The following TAOK1 variants were observed in gnomAD, a reference collection of about 807,000 sequenced individuals.
TAOK1 encodes the protein serine/threonine-protein kinase TAO1.
In TAOK1, 21 loss-of-function variants were observed where a neutral mutation model predicts 138.3. That is an observed-to-expected ratio of 0.15 (90% CI 0.11 to 0.22). TAOK1 has a LOEUF of 0.22. TAOK1 is among the 10% of genes least tolerant of loss of function. TAOK1 has a pLI of 1.00. For missense variants in TAOK1, 651 were observed against 1,227.7 expected (o/e 0.53, Z 7.02); for synonymous variants, 361 against 398.4 (o/e 0.91, Z 1.12).
chr17:29,453,460 A>C (rs1325971722), intron 2 of TAOK1, among the ~76,000 whole-genome samples: 1 of 152,314 alleles, frequency 6.6e-6, no homozygotes, highest in East Asian at 1.9e-4. Context: ...CATGTTGGCC[A>C]GGCTGGTCTC....
intron 10 of TAOK1, among the ~76,000 whole-genome samples, chr17:29,492,346 T>C (rs1322735051): frequency 1.3e-5 from 2 of 152,252 alleles, no homozygotes; most frequent in African/African-American, 2.4e-5. Context: ...AATTTTTGTA[T>C]TTTGTTTTTC....
At position 29,478,284 on chromosome 17, in the gene TAOK1, C is replaced by A. The variant is rs779247615; in HGVS notation, c.386C>A (p.Ala129Glu). ...HKKPLQEVEI[A>E]AITHGALQGL... Reference sequence around the variant, plus strand: ...AAGCCATTACAAGAAGTGGAAATAGCAGCAATTACACATGGTGCTCTTCAG... The same window carrying A: ...AAGCCATTACAAGAAGTGGAAATAGAAGCAATTACACATGGTGCTCTTCAG... Residue 129 changes from alanine (A) to glutamate (E), a missense_variant, in exon 6 of 20, where the codon GCA becomes GAA. Ala to Glu is a moderately radical substitution (Grantham distance 107, BLOSUM62 -1). Coordinates refer to ENST00000261716, the MANE Select transcript of TAOK1 (RefSeq NM_020791.4). 12 of 1,600,742 alleles carry A rather than the reference C, an allele frequency of 7.5e-6. No individual in the cohort carries two copies. The South Asian group carries it at 1.3e-4, about 17-fold the overall frequency.
chr17:29,534,420 C>T (rs2150774896), intron 19 of TAOK1, 120 bp downstream of exon 19: 1 of 941,102 alleles, frequency 1.1e-6, no homozygotes, highest in East Asian at 3.1e-5. Flanking sequence ...ACCACATTTC[C>T]TGAATTCTAG....
At position 29,524,872 on chromosome 17, in the gene TAOK1, G is replaced by GT. The variant is rs2031982746; in HGVS notation, c.2148+2356dup. Among the ~76,000 whole-genome samples the GT allele has an allele frequency of 5.3e-5, 8 of 152,266 alleles. No homozygotes were observed. The South Asian group carries it at 1.7e-3, about 32-fold the overall frequency. On this transcript the variant is annotated intron_variant, in intron 17 of 19. Transcript: ENST00000261716. ...GTGAAAATCTGCTGCCTACTCCGCT[G>GT]TTTCTTCAGCTGCCATCCAGATGAT...
intron 13 of TAOK1, among the ~76,000 whole-genome samples, chr17:29,505,424 G>A (rs1255924934): frequency 1.3e-5 from 2 of 152,106 alleles, no homozygotes; most frequent in South Asian, 2.1e-4. Context: ...ATGGTGGGCC[G>A]GGTGGAGTGG....
chr17:29,509,959 C>T (rs1695612984), intron 14 of TAOK1, among the ~76,000 whole-genome samples: 1 of 151,024 alleles, frequency 6.6e-6, no homozygotes, highest in South Asian at 2.1e-4. Context: ...TCAGGTGATC[C>T]TCCCACCTCA....
chr17:29,475,590 T>G, intron 3 of TAOK1, 80 bp from the exon 4 acceptor site: 1 of 952,530 alleles, frequency 1.0e-6, no homozygotes, highest in Non-Finnish European at 1.6e-6. Flanking sequence ...CTCTTCTAAA[T>G]TTAGTAATTA....
intron 1 of TAOK1, among the ~76,000 whole-genome samples, chr17:29,411,493 G>GCAATT (rs1028985304): frequency 6.6e-6 from 1 of 151,922 alleles, no homozygotes; most frequent in African/African-American, 2.4e-5. Context: ...CCACGTTCAA[G>GCAATT]CAATTCTCCT....
intron 15 of TAOK1, among the ~76,000 whole-genome samples, chr17:29,515,450 C>A (rs922505108): frequency 6.6e-6 from 1 of 152,138 alleles, no homozygotes; most frequent in Non-Finnish European, 1.5e-5. Flanking sequence ...AAGTTAGGAA[C>A]CATCAGAAAC....
chr17:29,406,529 TTTC>T (rs1446211293), intron 1 of TAOK1, among the ~76,000 whole-genome samples: 1 of 152,012 alleles, frequency 6.6e-6, no homozygotes, highest in Non-Finnish European at 1.5e-5. Flanking sequence ...TCTTTTTTCT[TTTC>T]TTTTTTCTTT....
In TAOK1 at chr17:29,534,100, TC is replaced by T; in HGVS notation, c.2362-17del. On this transcript the variant is annotated splice_polypyrimidine_tract_variant and intron_variant, in intron 18 of 19. Coordinates refer to ENST00000261716, the MANE Select transcript of TAOK1 (RefSeq NM_020791.4). ...TTAGGATATATCTTTTTTTTTTCTC[TC>T]TCTCTCTCTGTCTCAGCTGCGTTTG... 3 of 1,567,754 alleles carry T rather than the reference TC, an allele frequency of 1.9e-6. No homozygotes were observed. The highest frequency in any genetic ancestry group is 2.0e-5 in the Admixed American group (1 of 50,938).
In TAOK1 at chr17:29,543,197, A is replaced by T. The variant is rs1407945128; in HGVS notation, c.*175A>T. 5 of 597,256 alleles carry T rather than the reference A, an allele frequency of 8.4e-6. No homozygotes were observed. Among genetic ancestry groups the T allele is most frequent in the African/African-American group, 7.4e-5 (4 of 54,344 alleles). 37.0% of individuals were successfully genotyped at this position (597,256 alleles called of 1,614,324 possible). On this transcript the variant is annotated 3_prime_UTR_variant, in exon 20 of 20. Transcript: ENST00000261716. ...TTTTGTGTTTACTAATTGGGATGTCATAGTACTTGGCTGCCGGGTTTGTTT... is the reference window on the plus strand; with the variant it reads ...TTTTGTGTTTACTAATTGGGATGTCTTAGTACTTGGCTGCCGGGTTTGTTT...
intron 2 of TAOK1, among the ~76,000 whole-genome samples, chr17:29,460,148 A>T (rs768242390): frequency 6.6e-6 from 1 of 152,216 alleles, no homozygotes; most frequent in Non-Finnish European, 1.5e-5. Flanking sequence ...AACTTTTTCA[A>T]AATAAAACTA....
chr17:29,407,129 C>G (rs982716952), intron 1 of TAOK1, among the ~76,000 whole-genome samples: 3 of 152,086 alleles, frequency 2.0e-5, no homozygotes, highest in Non-Finnish European at 2.9e-5. Context: ...ATCTTCCCAT[C>G]TTAGCCTCCT....
intron 12 of TAOK1, 48 bp from the exon 13 acceptor site, chr17:29,502,541 A>T: frequency 1.3e-6 from 2 of 1,561,112 alleles, no homozygotes; most frequent in Non-Finnish European, 1.7e-6. Context: ...TAAAGATTCA[A>T]ACAAACTGTT....
At chr17:29,478,979 G>C (rs1418055015) in intron 6 of TAOK1, among the ~76,000 whole-genome samples, 2 of 152,086 alleles carry the variant, frequency 1.3e-5, no homozygotes, top group Non-Finnish European at 1.5e-5. Flanking sequence ...ATGAAAATTA[G>C]CTGGGCTTTG....
intron 16 of TAOK1, 43 bp from the exon 17 acceptor site, chr17:29,522,237 T>C (rs1488915829): frequency 6.2e-7 from 1 of 1,601,168 alleles, no homozygotes; most frequent in Non-Finnish European, 8.5e-7. Flanking sequence ...TCTGGCATTA[T>C]ACAGCAGTAA....
intron 13 of TAOK1, among the ~76,000 whole-genome samples, chr17:29,504,405 C>T (rs7359679): frequency 0.011 from 1,623 of 151,732 alleles, 36 homozygotes; most frequent in African/African-American, 0.037. Context: ...CGTGGTGGCT[C>T]ACACCTGTAA....
At chr17:29,468,539 A>T (rs2030737836) in intron 3 of TAOK1, among the ~76,000 whole-genome samples, 1 of 150,718 alleles carries the variant, frequency 6.6e-6, no homozygotes, top group South Asian at 2.1e-4. Context: ...ACAGTAAATT[A>T]TACTGGATAT....
Sources: gnomAD v4.1 joint callset for allele counts (sites outside exome capture counted in the v4.1 genomes callset) on GRCh38, gnomAD v4.1.1 for gene constraint, MANE v1.5 for transcripts, NCBI Gene and HGNC (gene_info 2026-07-23, HGNC 2026-07-21) for gene names.